Variants in RBL2 observed in about 807,000 individuals in gnomAD.
RBL2 encodes the protein RB transcriptional corepressor like 2.
RBL2 carries 56 observed loss-of-function variants against 126.0 expected under a neutral mutation model. The observed-to-expected ratio is 0.44, with a 90% confidence interval of 0.36 to 0.56. RBL2 has a LOEUF of 0.56. RBL2 is among the 20% of genes least tolerant of loss of function. The pLI, the probability that RBL2 is intolerant of heterozygous loss-of-function variation, is 0.00. For synonymous variants in RBL2, 454 were observed against 478.5 expected, an observed-to-expected ratio of 0.95 and a Z score of 0.67; for missense variants, 1,229 against 1,398.2, an observed-to-expected ratio of 0.88 and a Z score of 1.93.
rs1000072973 is a variant in RBL2, at chr16:53,461,761, C to T, written c.1367C>T (p.Thr456Ile). 3 of 1,604,244 alleles carry T rather than the reference C, an allele frequency of 1.9e-6. No individual in the cohort carries two copies. The highest frequency in any genetic ancestry group is 1.1e-5 in the South Asian group (1 of 89,226). Residue 456 changes from threonine (T) to isoleucine (I), a missense_variant, in exon 10 of 22, where the codon ACC becomes ATC. Coordinates refer to ENST00000262133, the MANE Select transcript of RBL2 (RefSeq NM_005611.4). ...QILRTCSRDP[T>I]QAIANRLKEM... ...TTTAGGACATGTTCCAGAGATCCAACCCAGGCTATTGCTAACAGACTGAAA... is the reference window on the plus strand; with the variant it reads ...TTTAGGACATGTTCCAGAGATCCAATCCAGGCTATTGCTAACAGACTGAAA...
intron 8 of RBL2, 94 bp from the exon 9 acceptor site, chr16:53,459,357 G>A: frequency 1.0e-6 from 1 of 981,258 alleles, no homozygotes; most frequent in Admixed American, 2.4e-5. Context: ...CTGGCTTGAA[G>A]TCCCATTTGT....
At chr16:53,460,968 G>GA (rs2058213784) in intron 9 of RBL2, among the ~76,000 whole-genome samples, 1 of 152,028 alleles carries the variant, frequency 6.6e-6, no homozygotes, top group Non-Finnish European at 1.5e-5. Context: ...TCGTTGGCGG[G>GA]AAAAAAATGT....
chr16:53,470,343 T>C (rs1289493561), intron 15 of RBL2, 40 bp from the exon 16 acceptor site: 3 of 1,598,334 alleles, frequency 1.9e-6, no homozygotes, highest in South Asian at 2.2e-5. Flanking sequence ...GAACCTCTTA[T>C]TATCAACATT....
chr16:53,441,855 A>T (rs1480201098), intron 2 of RBL2, among the ~76,000 whole-genome samples: 1 of 151,802 alleles, frequency 6.6e-6, no homozygotes, highest in Non-Finnish European at 1.5e-5. Context: ...AGAGTCTCGC[A>T]TTGTCGCCAG....
rs1211544318 is a variant in RBL2, at chr16:53,439,041, G to GTGCCTTA, written c.268_274dup (p.Tyr92CysfsTer27). 1 of 1,600,756 alleles carries GTGCCTTA rather than the reference G, an allele frequency of 6.2e-7. No individual in the cohort carries two copies. The highest frequency in any genetic ancestry group is 8.5e-7 in the Non-Finnish European group (1 of 1,173,916). On this transcript the variant is annotated frameshift_variant, in exon 2 of 22. Transcript: ENST00000262133. LOFTEE classifies it high-confidence loss of function. Reference sequence around the variant, plus strand: ...GGAAATGATCTTCATTGGTTAGCATGTGCCTTATATGTGGCTTGCAGAAAA... The same window carrying GTGCCTTA: ...GGAAATGATCTTCATTGGTTAGCATGTGCCTTATGCCTTATATGTGGCTTGCAGAAAA...
intron 8 of RBL2, among the ~76,000 whole-genome samples, chr16:53,457,396 A>T (rs2058180089): frequency 6.6e-6 from 1 of 150,774 alleles, no homozygotes; most frequent in Non-Finnish European, 1.5e-5. Context: ...AGTAGCTGGG[A>T]TTACAGGTGC....
Position 53,490,416 on chromosome 16 carries a change from C to T in RBL2, c.*116C>T, listed in dbSNP as rs1194056715. ...CTGATGAGTTACAGCCTGTTAGTAA[C>T]ATGAGGGGACATTTTGGTGAGAAAT... is the stretch of plus-strand genomic sequence containing the variant. On this transcript the variant is annotated 3_prime_UTR_variant, in exon 22 of 22. Transcript: ENST00000262133. The T allele has an allele frequency of 2.4e-6, 2 of 842,998 alleles. No individual in the cohort carries two copies. Among genetic ancestry groups the T allele is most frequent in the Non-Finnish European group, 3.4e-6 (2 of 582,380 alleles). The allele number at this position is 842,998 out of a possible 1,614,324, so 52.2% of individuals were successfully genotyped here. A position where few individuals can be genotyped will look rare whatever the true frequency, so the allele number is the denominator to read the frequency against.
Position 53,447,087 on chromosome 16 carries a change from G to A in RBL2, c.618G>A (p.Val206=). 1 of 1,579,022 alleles carries A rather than the reference G, an allele frequency of 6.3e-7. No homozygotes were observed. Among genetic ancestry groups the A allele is most frequent in the Non-Finnish European group, 8.6e-7 (1 of 1,156,470 alleles). ...TVSEIFHFCW[V]LFIYAKGNFP... ...CTGAAATTTTCCATTTTTGTTGGGT[G>A]CTTTTTATATATGCAAAAGGTAAGA... Residue 206 remains valine (V), a synonymous_variant, in exon 4 of 22, where the codon GTG becomes GTA. Coordinates refer to ENST00000262133, the MANE Select transcript of RBL2 (RefSeq NM_005611.4).
intron 1 of RBL2, among the ~76,000 whole-genome samples, chr16:53,437,707 T>G (rs1189172401): frequency 2.0e-5 from 3 of 152,092 alleles, no homozygotes; most frequent in African/African-American, 7.2e-5. Flanking sequence ...TTTCTATCAC[T>G]TTTCTAGATT....
intron 17 of RBL2, 130 bp from the exon 18 acceptor site, chr16:53,479,024 C>A: frequency 1.4e-6 from 1 of 702,798 alleles, no homozygotes. Flanking sequence ...CCGTTAATAC[C>A]ATTTCCAGAG....
At chr16:53,463,100 C>A (rs957749591) in intron 11 of RBL2, among the ~76,000 whole-genome samples, 2 of 152,186 alleles carry the variant, frequency 1.3e-5, no homozygotes, top group Non-Finnish European at 2.9e-5. Context: ...CTTGGCCTCC[C>A]AAAGTGCTAG....
At chr16:53,438,560 G>A (rs1374833777) in intron 1 of RBL2, among the ~76,000 whole-genome samples, 1 of 151,904 alleles carries the variant, frequency 6.6e-6, no homozygotes, top group Non-Finnish European at 1.5e-5. Flanking sequence ...AAGAGCCTAC[G>A]GGGCTGGGTA....
Position 53,464,377 on chromosome 16 carries a change from T to A in RBL2, c.1698+14T>A, listed in dbSNP as rs1567737496. 1 of 1,546,746 alleles carries A rather than the reference T, an allele frequency of 6.5e-7. No individual in the cohort carries two copies. The highest frequency in any genetic ancestry group is 1.7e-5 in the Admixed American group (1 of 57,652). The stretch of plus-strand genomic sequence containing the variant: ...CATTTTTATAAGGTATTTTTAAAAA[T>A]ATGATACTAATGGGGATATTGTAGA... On this transcript the variant is annotated intron_variant, in intron 12 of 21. Transcript: ENST00000262133.
In RBL2 at chr16:53,459,523, C is replaced by G; in HGVS notation, c.1252C>G (p.Pro418Ala). 2 of 1,612,558 alleles carry G rather than the reference C, an allele frequency of 1.2e-6. No individual in the cohort carries two copies. Among genetic ancestry groups the G allele is most frequent in the Non-Finnish European group, 1.7e-6 (2 of 1,179,458 alleles). ...TAAGGAGAATAGCCCTTGTGTGACT[C>G]CAGTTTCTACAGCTACGCATAGCTT... The part of the protein sequence containing the change: ...YIKENSPCVT[P>A]VSTATHSLSR... The change falls in exon 9 of 22, where the codon CCA becomes GCA. Residue 418 changes from proline to alanine, a missense_variant. Physicochemically the swap from Pro to Ala is conservative, Grantham distance 27. Coordinates refer to ENST00000262133, the MANE Select transcript of RBL2 (RefSeq NM_005611.4).
intron 17 of RBL2, among the ~76,000 whole-genome samples, chr16:53,478,635 C>CT (rs975415792): frequency 1.4e-5 from 2 of 141,856 alleles, no homozygotes; most frequent in Admixed American, 1.5e-4. Flanking sequence ...TACTCCAAGT[C>CT]TTTTTTTGAG....
In RBL2 at chr16:53,435,099, G is replaced by C. The variant is rs915265563; in HGVS notation, c.240+303G>C. ...GTGTGTGTGGCCCATCTGACCCCCC[G>C]CCCGCCTTGTTAGTAGAATGAACTA... On this transcript the variant is annotated intron_variant, in intron 1 of 21. Transcript: ENST00000262133. Among the ~76,000 whole-genome samples the C allele has an allele frequency of 7.9e-5, 12 of 152,134 alleles. No individual in the cohort carries two copies. In the South Asian group the frequency reaches 2.3e-3, roughly 29 times the overall value.
chr16:53,447,004 T>A (rs1447245164), intron 3 of RBL2, 38 bp from the exon 4 acceptor site: 6 of 1,291,196 alleles, frequency 4.6e-6, no homozygotes, highest in East Asian at 2.5e-5. Flanking sequence ...TTCTGATTCT[T>A]CTGTTGTCTC....
intron 21 of RBL2, among the ~76,000 whole-genome samples, chr16:53,483,775 C>A (rs768463529): frequency 7.4e-4 from 112 of 151,768 alleles, no homozygotes; most frequent in Admixed American, 2.2e-3. Context: ...CACCTGTAAT[C>A]CCAGCTACTC....
At chr16:53,488,232 G>T (rs544994615) in intron 21 of RBL2, 12 of 152,210 alleles carry the variant, frequency 7.9e-5, no homozygotes, top group Non-Finnish European at 1.5e-4. Context: ...CAATAAAAAG[G>T]AACTGATATA....
Sources: allele counts gnomAD v4.1 joint callset (sites outside exome capture counted in the v4.1 genomes callset), GRCh38; gene constraint gnomAD v4.1.1; transcripts MANE v1.5; gene names NCBI Gene and HGNC (gene_info 2026-07-23, HGNC 2026-07-21).